The following ETV3 variants were observed in gnomAD, a reference collection of about 807,000 sequenced individuals.
The protein encoded by ETV3 is ETS variant transcription factor 3, also known as ETS translocation variant 3.
Under a neutral mutation model 33.0 loss-of-function variants are expected in ETV3, and 8 were observed. That is an observed-to-expected ratio of 0.24 (90% CI 0.14 to 0.44). The LOEUF (loss-of-function observed/expected upper bound fraction) is 0.44, where lower values mean the gene tolerates loss of function less well. Among genes scored for constraint, ETV3 ranks in the 20% least tolerant of loss-of-function variants. The pLI, the probability that ETV3 is intolerant of heterozygous loss-of-function variation, is 1.00. For synonymous variants in ETV3, 222 were observed against 238.9 expected (o/e 0.93, Z 0.65); for missense variants, 473 against 652.3 (o/e 0.73, Z 2.99).
Position 157,124,277 on chromosome 1 carries a change from G to GAGCAACATC in ETV3, c.*555_*563dup, listed in dbSNP as rs1674772398. On this transcript the variant is annotated 3_prime_UTR_variant, in exon 5 of 5. Coordinates refer to ENST00000368192, the MANE Select transcript of ETV3 (RefSeq NM_001145312.3). ...AAAAAAAAAGAAGGAAGAAGAAAAA[G>GAGCAACATC]AGCAACATCCAAACATTCCCCAAGC... 8.0e-6 allele frequency: 1 copy of GAGCAACATC among 125,556 alleles called. No individual in the cohort carries two copies. The highest frequency in any genetic ancestry group is 1.7e-5 in the Non-Finnish European group (1 of 57,600). The allele number at this position is 125,556 out of a possible 1,614,324, so 7.8% of individuals were successfully genotyped here.
In ETV3 at chr1:157,125,470, A is replaced by C. The variant is rs1168249454; in HGVS notation, c.910T>G (p.Ser304Ala). The C allele has an allele frequency of 2.6e-6, 4 of 1,552,172 alleles. No individual in the cohort carries two copies. Among genetic ancestry groups the C allele is most frequent in the Admixed American group, 3.9e-5 (2 of 50,990 alleles). The change falls in exon 5 of 5, where the codon TCT becomes GCT. Residue 304 changes from serine to alanine, a missense_variant. Ser to Ala is a moderately conservative substitution (Grantham distance 99). Coordinates refer to ENST00000368192, the MANE Select transcript of ETV3 (RefSeq NM_001145312.3). This position sits in a 1 kb window ranked among gnomAD's most constrained non-coding sequence, Gnocchi z 4.0. ...NPEEMKHYLHSQACSVFNYHL... is the reference protein window; with the variant it reads ...NPEEMKHYLHAQACSVFNYHL... Reference sequence around the variant, plus strand: ...TAGTTGAACACAGAACAAGCTTGAGAATGAAGGTAGTGTTTCATTTCCTCA... The same window carrying C: ...TAGTTGAACACAGAACAAGCTTGAGCATGAAGGTAGTGTTTCATTTCCTCA...
Position 157,125,881 on chromosome 1 carries a change from C to G in ETV3, c.499G>C (p.Gly167Arg). 6.4e-7 allele frequency: 1 copy of G among 1,551,720 alleles called. No individual in the cohort carries two copies. Among genetic ancestry groups the G allele is most frequent in the Non-Finnish European group, 8.7e-7 (1 of 1,147,012 alleles). Residue 167 changes from glycine to arginine, a missense_variant, in exon 5 of 5, where the codon GGA becomes CGA. By Grantham distance (125) the Gly-to-Arg change is moderately radical. This residue lies in a region of ETV3 where 410 missense variants were observed against 520.2 expected (regional missense o/e 0.79). Transcript: ENST00000368192. This position sits in a 1 kb window ranked among gnomAD's most constrained non-coding sequence, Gnocchi z 4.0. Reference sequence around the variant, plus strand: ...GTTAGGGAGCTAGCAGAGAACCGTCCCGGCTGCACATCATTGGTTGGAGAA... The same window carrying G: ...GTTAGGGAGCTAGCAGAGAACCGTCGCGGCTGCACATCATTGGTTGGAGAA... ...THSPTNDVQPGRFSASSLTAS... is the reference protein window; with the variant it reads ...THSPTNDVQPRRFSASSLTAS...
chr1:157,134,333 C>G (rs1003562774), intron 3 of ETV3, 106 bp from the exon 4 acceptor site: 1 of 1,419,424 alleles, frequency 7.0e-7, no homozygotes, highest in Admixed American at 2.6e-5. Context: ...GTATTACTTA[C>G]AAAAATCACT....
At chr1:157,131,457 A>G (rs1311662108) in intron 4 of ETV3, among the ~76,000 whole-genome samples, 4 of 152,192 alleles carry the variant, frequency 2.6e-5, no homozygotes, top group African/African-American at 7.2e-5. Flanking sequence ...TAAACCCGGC[A>G]TATCTTATCT....
At chr1:157,135,893 G>C (rs946862053) in intron 2 of ETV3, among the ~76,000 whole-genome samples, 185 bp from the exon 3 acceptor site, 1 of 152,146 alleles carries the variant, frequency 6.6e-6, no homozygotes, top group African/African-American at 2.4e-5. Context: ...CTATCCTTGT[G>C]GCAATCATTA....
At chr1:157,126,468 CGT>C (rs545971492) in intron 4 of ETV3, among the ~76,000 whole-genome samples, 17 of 151,882 alleles carry the variant, frequency 1.1e-4, no homozygotes, top group Admixed American at 8.5e-4. Context: ...TATATATATT[CGT>C]GTGTGTGTGT....
chr1:157,124,873 G>C lies in ETV3; in HGVS notation c.1507C>G (p.Gln503Glu). The change falls in exon 5 of 5, where the codon CAG becomes GAG. Residue 503 changes from glutamine to glutamate, a missense_variant. This residue lies in a region of ETV3 where 410 missense variants were observed against 520.2 expected (regional missense o/e 0.79). Transcript: ENST00000368192. Reference protein sequence around the residue: ...GKFLWNGSGPQGLATAAADA With the variant: ...GKFLWNGSGPEGLATAAADA ...TCAGCAGCTGCTGTTGCCAAGCCCT[G>C]GGGTCCTGACCCATTCCAGAGAAAC... 1 of 1,547,852 alleles carries C rather than the reference G, an allele frequency of 6.5e-7. No individual in the cohort carries two copies. Among genetic ancestry groups the C allele is most frequent in the African/African-American group, 1.4e-5 (1 of 72,528 alleles).
At chr1:157,135,386 C>CTGATA in intron 3 of ETV3, 85 bp downstream of exon 3, 1 of 1,499,712 alleles carries the variant, frequency 6.7e-7, no homozygotes, top group Non-Finnish European at 9.1e-7. Flanking sequence ...CTTTTATTAC[C>CTGATA]TGATACCCTT....
chr1:157,122,015 CGAA>C lies in ETV3; in HGVS notation c.*2823_*2825del, dbSNP rs1674719732. ...TATAGCTAAAAAAGCAAACTTTACACGAAGAAGCTCTTGATTAAGGAAATTTCA... is the reference window on the plus strand; with the variant it reads ...TATAGCTAAAAAAGCAAACTTTACACGAAGCTCTTGATTAAGGAAATTTCA... On this transcript the variant is annotated 3_prime_UTR_variant, in exon 5 of 5. Transcript: ENST00000368192. The C allele has an allele frequency of 2.6e-5, 4 of 152,162 alleles. No individual in the cohort carries two copies. In the South Asian group the frequency reaches 8.3e-4, roughly 32 times the overall value. 9.4% of individuals were successfully genotyped at this position (152,162 alleles called of 1,614,324 possible). A position where few individuals can be genotyped will look rare whatever the true frequency, so the allele number is the denominator to read the frequency against.
chr1:157,134,837 T>C (rs1430687496), intron 3 of ETV3, among the ~76,000 whole-genome samples: 1 of 152,192 alleles, frequency 6.6e-6, no homozygotes, highest in Non-Finnish European at 1.5e-5. Context: ...ACTTCAATTA[T>C]CTGGAACCTT....
At chr1:157,137,338 G>A (rs1042793739) in intron 1 of ETV3, among the ~76,000 whole-genome samples, 5 of 152,024 alleles carry the variant, frequency 3.3e-5, no homozygotes, top group African/African-American at 9.7e-5. Flanking sequence ...TGGCCCCCGC[G>A]TAGGGACAAA....
At chr1:157,135,322 CA>C in intron 3 of ETV3, 148 bp downstream of exon 3, 4 of 933,938 alleles carry the variant, frequency 4.3e-6, no homozygotes, top group Non-Finnish European at 6.5e-6. Context: ...TCACATTCAA[CA>C]GCTCTTCTAC....
intron 4 of ETV3, 21 bp downstream of exon 4, chr1:157,134,091 C>A: frequency 6.2e-7 from 1 of 1,602,744 alleles, no homozygotes; most frequent in Non-Finnish European, 8.5e-7. Flanking sequence ...TAATTCCCTA[C>A]CAAAAGAGTT....
In ETV3 at chr1:157,122,087, A is replaced by C. The variant is rs905699667; in HGVS notation, c.*2754T>G. The stretch of plus-strand genomic sequence containing the variant: ...AATTTTAAACATTTGGCACAGCAAA[A>C]TTTGGAAAAAATGGGGGAGAAAAAA... On this transcript the variant is annotated 3_prime_UTR_variant, in exon 5 of 5. Coordinates refer to ENST00000368192, the MANE Select transcript of ETV3 (RefSeq NM_001145312.3). 2 of 152,226 alleles carry C rather than the reference A, an allele frequency of 1.3e-5. No homozygotes were observed. The highest frequency in any genetic ancestry group is 2.9e-5 in the Non-Finnish European group (2 of 68,030). 9.4% of individuals were successfully genotyped at this position (152,226 alleles called of 1,614,324 possible). A position where few individuals can be genotyped will look rare whatever the true frequency, so the allele number is the denominator to read the frequency against.
chr1:157,129,027 A>G (rs1177244730), intron 4 of ETV3, among the ~76,000 whole-genome samples: 1 of 152,234 alleles, frequency 6.6e-6, no homozygotes, highest in East Asian at 1.9e-4. Flanking sequence ...TTATGTGAAT[A>G]TATTTAAATA....
chr1:157,135,707 C>A lies in ETV3; in HGVS notation c.48G>T (p.Gly16=). The change falls in exon 3 of 5, where the codon GGG becomes GGT. Residue 16 remains glycine (G), a splice_region_variant and synonymous_variant. Coordinates refer to ENST00000368192, the MANE Select transcript of ETV3 (RefSeq NM_001145312.3). The part of the protein sequence containing the change: ...SIVEKPEGGG[G]YQFPDWAYKT... ...TGTAGGCCCAGTCAGGAAACTGATACCCTTTCATGTGAGAAGGTCAAGATT... is the reference window on the plus strand; with the variant it reads ...TGTAGGCCCAGTCAGGAAACTGATAACCTTTCATGTGAGAAGGTCAAGATT... 1.9e-6 allele frequency: 3 copies of A among 1,614,106 alleles called. No homozygotes were observed. Among genetic ancestry groups the A allele is most frequent in the Non-Finnish European group, 2.5e-6 (3 of 1,179,974 alleles).
Position 157,133,907 on chromosome 1 carries a change from C to T in ETV3, c.400+205G>A. The T allele has an allele frequency of 5.8e-6, 8 of 1,386,012 alleles. No homozygotes were observed. In the South Asian group the frequency reaches 1.4e-4, roughly 24 times the overall value. The allele number at this position is 1,386,012 out of a possible 1,614,324, so 85.9% of individuals were successfully genotyped here. A position where few individuals can be genotyped will look rare whatever the true frequency, so the allele number is the denominator to read the frequency against. On this transcript the variant is annotated intron_variant, in intron 4 of 4. Transcript: ENST00000368192. ...CAGAAAAGGGAACCAACCAAATAAACCAAAGAAATCTATCTTGATACTGAA... is the reference window on the plus strand; with the variant it reads ...CAGAAAAGGGAACCAACCAAATAAATCAAAGAAATCTATCTTGATACTGAA...
In ETV3 at chr1:157,131,130, C is replaced by T. The variant is rs140210031; in HGVS notation, c.400+2982G>A. On this transcript the variant is annotated intron_variant, in intron 4 of 4. Transcript: ENST00000368192. ...CTTCTTCCAGTATTCCTGTAGGTTT[C>T]GAGTTTTCCCAAATAAAAATTAAAA... is the stretch of plus-strand genomic sequence containing the variant. Among the ~76,000 whole-genome samples, 861 of 152,228 alleles carry T rather than the reference C, an allele frequency of 5.7e-3. 4 individuals are homozygous for T. The highest frequency in any genetic ancestry group is 0.026 in the South Asian group (124 of 4,824).
In ETV3 at chr1:157,131,675, C is replaced by G. The variant is rs187897580; in HGVS notation, c.400+2437G>C. ...AGTCTTTAACTTTGCTGTCGTTTTC[C>G]TAATTTTATCATTTGTAAAATGTGG... On this transcript the variant is annotated intron_variant, in intron 4 of 4. Coordinates refer to ENST00000368192, the MANE Select transcript of ETV3 (RefSeq NM_001145312.3). Among the ~76,000 whole-genome samples, 246 of 152,250 alleles carry G rather than the reference C, an allele frequency of 1.6e-3. 1 individual carries two copies. The highest frequency in any genetic ancestry group is 5.7e-3 in the African/African-American group (236 of 41,544).
Sources: allele counts gnomAD v4.1 joint callset (sites outside exome capture counted in the v4.1 genomes callset), GRCh38; gene constraint gnomAD v4.1.1; regional missense constraint gnomAD v4.1.1; non-coding constraint Gnocchi (gnomAD v3.1); transcripts MANE v1.5; gene names NCBI Gene and HGNC (gene_info 2026-07-23, HGNC 2026-07-21).